The following LIG1 variants were observed in gnomAD, a reference collection of about 807,000 sequenced individuals.
LIG1 encodes the protein DNA ligase 1, also known as ligase I, DNA, ATP-dependent.
LIG1 carries 70 observed loss-of-function variants against 115.7 expected under a neutral mutation model. That is an observed-to-expected ratio of 0.60 (90% CI 0.50 to 0.74). The LOEUF (loss-of-function observed/expected upper bound fraction) is 0.74, where lower values mean the gene tolerates loss of function less well. Among genes scored for constraint, LIG1 ranks in the 30% least tolerant of loss-of-function variants. The pLI, the probability that LIG1 is intolerant of heterozygous loss-of-function variation, is 0.00. For synonymous variants in LIG1, 487 were observed against 495.3 expected (o/e 0.98, Z 0.22); for missense variants, 1,115 against 1,225.6 (o/e 0.91, Z 1.35).
In LIG1 at chr19:48,135,954, G is replaced by A. The variant is rs1013819087; in HGVS notation, c.1423+80C>T. ...GGCAGGGGCCCGCTGGGGAAGGGGC[G>A]GGCATGGGCCTCTGAAGAGGAGGGG... On this transcript the variant is annotated intron_variant, in intron 15 of 27. Transcript: ENST00000263274. 60 of 1,198,508 alleles carry A rather than the reference G, an allele frequency of 5.0e-5. No individual in the cohort carries two copies. The East Asian group carries it at 1.1e-3, about 21-fold the overall frequency. 74.2% of individuals were successfully genotyped at this position (1,198,508 alleles called of 1,614,324 possible). A position where few individuals can be genotyped will look rare whatever the true frequency, so the allele number is the denominator to read the frequency against.
chr19:48,148,009 A>AC (rs2035231140), intron 9 of LIG1, among the ~76,000 whole-genome samples: 1 of 152,208 alleles, frequency 6.6e-6, no homozygotes, highest in South Asian at 2.1e-4. Context: ...ATGTGACAAG[A>AC]CATAAAAGAC....
chr19:48,119,175 T>A lies in LIG1; in HGVS notation c.2401A>T (p.Ser801Cys). 1 of 1,584,320 alleles carries A rather than the reference T, an allele frequency of 6.3e-7. No individual in the cohort carries two copies. The highest frequency in any genetic ancestry group is 8.6e-7 in the Non-Finnish European group (1 of 1,165,384). Reference protein sequence around the residue: ...QAICKLGTGFSDEELEEHHQS... With the variant: ...QAICKLGTGFCDEELEEHHQS... ...TGATGCTCCTCCAGCTCCTCATCAC[T>A]GAAGCCAGTTCCAAGCTGCAGGGAG... The change falls in exon 25 of 28, where the codon AGT becomes TGT. Residue 801 changes from serine to cysteine, a missense_variant. Coordinates refer to ENST00000263274, the MANE Select transcript of LIG1 (RefSeq NM_000234.3).
rs776651223 is a variant in LIG1 at position 48,134,004 on chromosome 19, G to A, written c.1586C>T (p.Pro529Leu). Residue 529 changes from proline (P) to leucine (L), a missense_variant, in exon 17 of 28, where the codon CCG becomes CTG. Transcript: ENST00000263274. ...ACCTGGGCTCAGCTTGCAGTGCTCC[G>A]GGAGACGTTCCAGGCCGTGCTCCAG... is the stretch of plus-strand genomic sequence containing the variant. ...VLLEHGLERL[P>L]EHCKLSPGIP... 8.4e-6 allele frequency: 13 copies of A among 1,555,544 alleles called. 1 individual carries two copies. The highest frequency in any genetic ancestry group is 1.7e-4 in the Middle Eastern group (1 of 5,994).
chr19:48,146,273 G>A (rs1257704789), intron 9 of LIG1, among the ~76,000 whole-genome samples: 1 of 152,202 alleles, frequency 6.6e-6, no homozygotes. Flanking sequence ...GGAGGCCGAG[G>A]CAGGCAGATC....
intron 20 of LIG1, 148 bp downstream of exon 20, chr19:48,127,762 C>T: frequency 3.8e-6 from 3 of 782,958 alleles, no homozygotes; most frequent in South Asian, 1.4e-5. Context: ...ATGGCTGGAG[C>T]TGTGGCAGCC....
At chr19:48,139,056 C>T (rs1008967512) in intron 12 of LIG1, among the ~76,000 whole-genome samples, 1 of 152,212 alleles carries the variant, frequency 6.6e-6, no homozygotes, top group African/African-American at 2.4e-5. Flanking sequence ...AGCTCCAGTG[C>T]TCCCAGCACA....
intron 14 of LIG1, 96 bp from the exon 15 acceptor site, chr19:48,136,221 C>A: frequency 2.4e-6 from 2 of 847,484 alleles, no homozygotes; most frequent in South Asian, 1.5e-5. Context: ...TGTATGTAGA[C>A]CCTCTCCTCA....
rs942558565 is a variant in LIG1 at position 48,151,069 on chromosome 19, T to TA, written c.574+162dup. Among the ~76,000 whole-genome samples, 772 of 144,844 alleles carry TA rather than the reference T, an allele frequency of 5.3e-3. 10 individuals carry two copies. The highest frequency in any genetic ancestry group is 0.018 in the African/African-American group (701 of 39,670). On this transcript the variant is annotated intron_variant, in intron 7 of 27. Coordinates refer to ENST00000263274, the MANE Select transcript of LIG1 (RefSeq NM_000234.3). Reference sequence around the variant, plus strand: ...CACATGCATGGGGAAAAATAATAATTAAAAAAAAAAACCCGAGTAATAAAA... The same window carrying TA: ...CACATGCATGGGGAAAAATAATAATTAAAAAAAAAAAACCCGAGTAATAAAA...
At chr19:48,154,938 C>A (rs1171506922) in intron 5 of LIG1, among the ~76,000 whole-genome samples, 1 of 152,184 alleles carries the variant, frequency 6.6e-6, no homozygotes, top group Non-Finnish European at 1.5e-5. Flanking sequence ...CTAACCCTTC[C>A]CACACCACAT....
intron 9 of LIG1, among the ~76,000 whole-genome samples, chr19:48,144,995 C>A (rs1003184350): frequency 2.0e-5 from 3 of 152,182 alleles, no homozygotes; most frequent in African/African-American, 7.2e-5. Context: ...GCAGCCTCAA[C>A]CTCCAGGGCT....
chr19:48,125,705 TG>T (rs1427583462), intron 21 of LIG1, among the ~76,000 whole-genome samples: 1 of 152,148 alleles, frequency 6.6e-6, no homozygotes, highest in Non-Finnish European at 1.5e-5. Flanking sequence ...TCATCTGGGA[TG>T]GGCCGGGCGT....
Position 48,137,808 on chromosome 19 carries a change from C to T in LIG1, c.1088-120G>A. On this transcript the variant is annotated intron_variant, in intron 12 of 27. Transcript: ENST00000263274. The surrounding 1 kb of genome is among the most constrained non-coding windows in gnomAD (Gnocchi z 4.3). ...GTGTGCTTGTGGCGAGTCCCTGCACCTCCCTGTGTCTAACGCTCACCCACT... is the reference window on the plus strand; with the variant it reads ...GTGTGCTTGTGGCGAGTCCCTGCACTTCCCTGTGTCTAACGCTCACCCACT... 8.1e-7 allele frequency: 1 copy of T among 1,233,456 alleles called. No homozygotes were observed. Among genetic ancestry groups the T allele is most frequent in the Non-Finnish European group, 1.1e-6 (1 of 874,864 alleles). 76.4% of individuals were successfully genotyped at this position (1,233,456 alleles called of 1,614,324 possible).
chr19:48,143,634 G>C (rs374022891), intron 10 of LIG1, 35 bp from the exon 11 acceptor site: 13 of 1,572,468 alleles, frequency 8.3e-6, no homozygotes, highest in Middle Eastern at 3.3e-4. Flanking sequence ...AGTGACAGTG[G>C]TGCAGGCTAT....
intron 2 of LIG1, 90 bp downstream of exon 2, chr19:48,165,460 T>G: frequency 2.8e-6 from 3 of 1,077,046 alleles, no homozygotes; most frequent in Non-Finnish European, 1.4e-6. Flanking sequence ...AGAGTTTTTG[T>G]TTGTTTGTTT....
chr19:48,143,472 C>T, intron 11 of LIG1, 71 bp downstream of exon 11: 1 of 1,271,082 alleles, frequency 7.9e-7, no homozygotes, highest in Non-Finnish European at 1.1e-6. Context: ...AACAAGGCAG[C>T]ACAGACCGCC....
At chr19:48,129,540 C>A (rs1432655571) in intron 19 of LIG1, among the ~76,000 whole-genome samples, 1 of 152,138 alleles carries the variant, frequency 6.6e-6, no homozygotes, top group Non-Finnish European at 1.5e-5. Flanking sequence ...GGGCCTAGCT[C>A]GGAGCAGATG....
chr19:48,131,153 C>T lies in LIG1; in HGVS notation c.1744G>A (p.Gly582Arg), dbSNP rs778444428. 5.0e-6 allele frequency: 8 copies of T among 1,613,978 alleles called. No individual in the cohort carries two copies. The highest frequency in any genetic ancestry group is 2.2e-5 in the East Asian group (1 of 44,890). The part of the protein sequence containing the change: ...QRAQIHALEG[G>R]EVKIFSRNQE... ...TTCCTGCTGAAGATCTTCACCTCCCCGCCTTCCAGGGCGTGGATCTGTCAC... is the reference window on the plus strand; with the variant it reads ...TTCCTGCTGAAGATCTTCACCTCCCTGCCTTCCAGGGCGTGGATCTGTCAC... Residue 582 changes from glycine to arginine, a missense_variant, in exon 19 of 28, where the codon GGG becomes AGG. Transcript: ENST00000263274.
chr19:48,117,722 G>A lies in LIG1; in HGVS notation c.2499C>T (p.Asp833=), dbSNP rs780906760. The change falls in exon 26 of 28, where the codon GAC becomes GAT. Residue 833 remains aspartate (D), a synonymous_variant. Transcript: ENST00000263274. ...YVRIDGAVIP[D]HWLDPSAVWE... is the part of the protein sequence containing the mutation. ...ACACAGCGCTGGGGTCCAGCCAGTGGTCGGGAATCACAGCGCCATCTATCC... is the reference window on the plus strand; with the variant it reads ...ACACAGCGCTGGGGTCCAGCCAGTGATCGGGAATCACAGCGCCATCTATCC... The A allele has an allele frequency of 4.3e-6, 7 of 1,613,138 alleles. No homozygotes were observed. The highest frequency in any genetic ancestry group is 5.9e-6 in the Non-Finnish European group (7 of 1,179,816).
At chr19:48,161,802 G>A (rs3730859) in intron 3 of LIG1, among the ~76,000 whole-genome samples, 45,950 of 149,784 alleles carry the variant, frequency 0.31, 8,095 homozygotes, top group East Asian at 0.55. Context: ...GGTTGCCATT[G>A]GTCTCCAGCA....
Sources: allele counts gnomAD v4.1 joint callset (sites outside exome capture counted in the v4.1 genomes callset), GRCh38; gene constraint gnomAD v4.1.1; non-coding constraint Gnocchi (gnomAD v3.1); transcripts MANE v1.5; gene names NCBI Gene and HGNC (gene_info 2026-07-23, HGNC 2026-07-21).